The following CADM2 variants were observed in gnomAD, a reference collection of about 807,000 sequenced individuals.
CADM2 encodes the protein immunoglobulin superfamily member 4D.
CADM2 carries 12 observed loss-of-function variants against 49.8 expected under a neutral mutation model. That is an observed-to-expected ratio of 0.24 (90% confidence interval 0.15 to 0.39). The LOEUF (loss-of-function observed/expected upper bound fraction) is 0.39. Ranked by LOEUF, CADM2 falls within the 10% of genes least tolerant of loss-of-function variation. The probability of loss-of-function intolerance (pLI) is 1.00; values close to 1 mark genes in which losing one functional copy is unlikely to be tolerated. For missense variants in CADM2, 378 were observed against 492.3 expected (o/e 0.77, Z 2.20); for synonymous variants, 214 against 175.4 (o/e 1.22, Z -1.74).
At chr3:85,701,622 A>G (rs907178455) in intron 1 of CADM2, among the ~76,000 whole-genome samples, 1 of 152,116 alleles carries the variant, frequency 6.6e-6, no homozygotes, top group Non-Finnish European at 1.5e-5. Flanking sequence ...AAACTCATAC[A>G]CATATAGCAT....
chr3:85,720,819 T>C (rs941828490), intron 1 of CADM2, among the ~76,000 whole-genome samples: 4 of 152,190 alleles, frequency 2.6e-5, no homozygotes, highest in African/African-American at 9.6e-5. Context: ...TCTAGCCCTC[T>C]ACAGCAGATA....
chr3:85,526,032 A>G (rs2061151894), intron 1 of CADM2, among the ~76,000 whole-genome samples: 1 of 152,098 alleles, frequency 6.6e-6, no homozygotes. Context: ...AAAATCAATT[A>G]TCTTTTCTCT....
At chr3:85,663,207 C>A (rs2107614823) in intron 1 of CADM2, among the ~76,000 whole-genome samples, 1 of 152,044 alleles carries the variant, frequency 6.6e-6, no homozygotes, top group South Asian at 2.1e-4. Context: ...TAGTACCTTC[C>A]TACTTTTTAG....
At chr3:85,941,691 G>A (rs1046605536) in intron 7 of CADM2, among the ~76,000 whole-genome samples, 9 of 152,000 alleles carry the variant, frequency 5.9e-5, no homozygotes, top group African/African-American at 2.2e-4. Flanking sequence ...AGTTTGATGC[G>A]TGTGGGAAAA....
intron 1 of CADM2, among the ~76,000 whole-genome samples, chr3:85,190,974 A>T (rs2107724340): frequency 6.6e-6 from 1 of 152,248 alleles, no homozygotes; most frequent in Admixed American, 6.6e-5. Flanking sequence ...AAGAGGTATA[A>T]TGTATAGCAA....
intron 1 of CADM2, among the ~76,000 whole-genome samples, chr3:85,720,425 C>T (rs4856601): frequency 0.014 from 2,092 of 152,242 alleles, 104 homozygotes; most frequent in East Asian, 0.12. Flanking sequence ...TGGTGACTTT[C>T]TAATTCTTTT....
At chr3:85,820,984 C>A (rs981902730) in intron 3 of CADM2, among the ~76,000 whole-genome samples, 2 of 152,094 alleles carry the variant, frequency 1.3e-5, no homozygotes, top group African/African-American at 4.8e-5. Context: ...TTCTGAAAAG[C>A]AGCGATAAAA....
intron 8 of CADM2, among the ~76,000 whole-genome samples, chr3:85,966,399 A>C (rs1044180975): frequency 6.6e-6 from 1 of 151,560 alleles, no homozygotes; most frequent in Non-Finnish European, 1.5e-5. Flanking sequence ...TACCGTAGTA[A>C]CCCTATGTGA....
chr3:85,771,712 T>C (rs7611409), intron 2 of CADM2, among the ~76,000 whole-genome samples: 107,179 of 151,844 alleles, frequency 0.71, 39,273 homozygotes, highest in African/African-American at 0.91. Context: ...GGAGAACAGG[T>C]CAGACATTTA....
chr3:85,201,535 G>A (rs780130163), intron 1 of CADM2, among the ~76,000 whole-genome samples: 8 of 152,144 alleles, frequency 5.3e-5, no homozygotes, highest in Non-Finnish European at 1.2e-4. Context: ...ATGCAATGAT[G>A]AAGTTTGCCG....
At chr3:85,289,136 G>T (rs532178091) in intron 1 of CADM2, among the ~76,000 whole-genome samples, 39 of 152,260 alleles carry the variant, frequency 2.6e-4, no homozygotes, top group African/African-American at 9.1e-4. Context: ...AAAATAGAAA[G>T]ATGCACATAA....
rs574985354 is a variant in CADM2 at position 85,439,867 on chromosome 3, A to T, written c.62-286655A>T. Among the ~76,000 whole-genome samples, 3 of 152,316 alleles carry T rather than the reference A, an allele frequency of 2.0e-5. No homozygotes were observed. The South Asian group carries it at 6.2e-4, about 32-fold the overall frequency. On this transcript the variant is annotated intron_variant, in intron 1 of 9. Coordinates refer to ENST00000383699, the MANE Select transcript of CADM2 (RefSeq NM_001167675.2). ...GAGGGTTAAAGCAATTTAAAGTCAG[A>T]CTCAAAAACATCTTCCTACCTGTAT...
At chr3:86,059,025 C>T (rs1408137855) in intron 8 of CADM2, among the ~76,000 whole-genome samples, 1 of 147,134 alleles carries the variant, frequency 6.8e-6, no homozygotes, top group Non-Finnish European at 1.5e-5. Flanking sequence ...ACCCAGGAGG[C>T]GGAGGTTGCA....
At chr3:85,657,739 T>TATAC (rs1559574616) in intron 1 of CADM2, among the ~76,000 whole-genome samples, 1 of 121,512 alleles carries the variant, frequency 8.2e-6, no homozygotes, top group African/African-American at 2.7e-5. Flanking sequence ...GATATATATA[T>TATAC]ACAGATATAT....
chr3:85,857,500 T>G (rs912261694), intron 3 of CADM2, among the ~76,000 whole-genome samples: 24 of 140,228 alleles, frequency 1.7e-4, no homozygotes, highest in Middle Eastern at 3.7e-3. Context: ...TATTTAGAGA[T>G]AGAGTCTCAC....
chr3:85,780,755 C>T (rs932497213), intron 2 of CADM2, among the ~76,000 whole-genome samples: 9 of 152,072 alleles, frequency 5.9e-5, no homozygotes, highest in African/African-American at 2.2e-4. Flanking sequence ...ATGTGATTCC[C>T]TCTAATAATC....
chr3:85,660,894 T>A (rs564580803), intron 1 of CADM2, among the ~76,000 whole-genome samples: 12 of 149,198 alleles, frequency 8.0e-5, no homozygotes, highest in Non-Finnish European at 1.8e-4. Flanking sequence ...CTTCGATTAT[T>A]ATAAACTATA....
intron 1 of CADM2, among the ~76,000 whole-genome samples, chr3:85,460,265 A>G (rs2038180503): frequency 7.2e-6 from 1 of 139,586 alleles, no homozygotes; most frequent in Admixed American, 7.0e-5. Context: ...ATATGATGAA[A>G]TATGGGAGGT....
chr3:85,969,906 C>A (rs1449161294), intron 8 of CADM2, among the ~76,000 whole-genome samples: 2 of 150,144 alleles, frequency 1.3e-5, no homozygotes, highest in Admixed American at 1.3e-4. Context: ...CACATACATA[C>A]CCATATCTAC....
Sources: allele counts gnomAD v4.1 joint callset (sites outside exome capture counted in the v4.1 genomes callset), GRCh38; gene constraint gnomAD v4.1.1; transcripts MANE v1.5; gene names NCBI Gene and HGNC (gene_info 2026-07-23, HGNC 2026-07-21).